The following PTPRO variants were observed in gnomAD, a reference collection of about 807,000 sequenced individuals.
PTPRO encodes the protein receptor-type tyrosine-protein phosphatase O.
A neutral mutation model predicts 145.2 loss-of-function variants in PTPRO; 62 were observed. The ratio of observed to expected loss-of-function variants is 0.43; its 90% confidence interval spans 0.35 to 0.53. The LOEUF (loss-of-function observed/expected upper bound fraction) is 0.53, where lower values mean the gene tolerates loss of function less well. PTPRO is among the 20% of genes least tolerant of loss of function. The probability of loss-of-function intolerance (pLI) is 0.01; values close to 1 mark genes in which losing one functional copy is unlikely to be tolerated. For missense variants in PTPRO, 1,345 were observed against 1,482.7 expected, an observed-to-expected ratio of 0.91 and a Z score of 1.53; for synonymous variants, 565 against 514.7, an observed-to-expected ratio of 1.10 and a Z score of -1.32.
At chr12:15,470,270 G>C (rs1055004217) in intron 1 of PTPRO, among the ~76,000 whole-genome samples, 1 of 152,168 alleles carries the variant, frequency 6.6e-6, no homozygotes, top group Non-Finnish European at 1.5e-5. Context: ...GTAGTTATAA[G>C]AATTGCCTTG....
chr12:15,550,096 C>T (rs1943414436), intron 14 of PTPRO, among the ~76,000 whole-genome samples: 1 of 152,112 alleles, frequency 6.6e-6, no homozygotes, highest in Non-Finnish European at 1.5e-5. Context: ...AGTTGAAAAT[C>T]CATGTATAAT....
At chr12:15,425,208 A>G (rs1793598053) in intron 1 of PTPRO, among the ~76,000 whole-genome samples, 1 of 152,136 alleles carries the variant, frequency 6.6e-6, no homozygotes, top group Admixed American at 6.5e-5. Context: ...ATTTTACCCC[A>G]TACACAAGGT....
chr12:15,576,601 T>C (rs1591759768), intron 19 of PTPRO, among the ~76,000 whole-genome samples: 1 of 152,172 alleles, frequency 6.6e-6, no homozygotes, highest in Non-Finnish European at 1.5e-5. Flanking sequence ...CTGGCATAAA[T>C]GGCAGAGGAG....
chr12:15,467,010 T>C (rs1166512490), intron 1 of PTPRO, among the ~76,000 whole-genome samples: 1 of 152,176 alleles, frequency 6.6e-6, no homozygotes, highest in Non-Finnish European at 1.5e-5. Flanking sequence ...CTTGGATGTA[T>C]TACTTAATCT....
chr12:15,323,135 T>C (rs56354312), intron 1 of PTPRO, among the ~76,000 whole-genome samples: 33,362 of 152,186 alleles, frequency 0.22, 4,249 homozygotes, highest in Non-Finnish European at 0.29. Flanking sequence ...CTTTTCTGGT[T>C]TCCACTGCAC....
chr12:15,349,129 A>G (rs1008846399), intron 1 of PTPRO, among the ~76,000 whole-genome samples: 6 of 152,232 alleles, frequency 3.9e-5, no homozygotes, highest in Non-Finnish European at 8.8e-5. Context: ...AGATGTATAT[A>G]AGTTTTATAC....
intron 1 of PTPRO, among the ~76,000 whole-genome samples, chr12:15,391,860 G>A (rs1939197274): frequency 6.6e-6 from 1 of 152,202 alleles, no homozygotes; most frequent in Non-Finnish European, 1.5e-5. Context: ...ATAGTGAGAT[G>A]AGCCAATTCT....
chr12:15,327,140 A>G (rs937768147), intron 1 of PTPRO, among the ~76,000 whole-genome samples: 2 of 152,220 alleles, frequency 1.3e-5, no homozygotes, highest in African/African-American at 2.4e-5. Context: ...TTAAATAATC[A>G]TAACTACAAT....
chr12:15,538,565 AG>A (rs1943115314), intron 12 of PTPRO, among the ~76,000 whole-genome samples: 1 of 152,134 alleles, frequency 6.6e-6, no homozygotes, highest in Non-Finnish European at 1.5e-5. Flanking sequence ...GCCCATCATA[AG>A]GTACTGCATA....
intron 2 of PTPRO, among the ~76,000 whole-genome samples, chr12:15,496,467 A>G (rs549166750): frequency 5.6e-4 from 85 of 152,200 alleles, no homozygotes; most frequent in Non-Finnish European, 1.0e-3. Context: ...TAAAATTCAT[A>G]CAGGTAAAAT....
At chr12:15,374,608 G>A (rs1938626722) in intron 1 of PTPRO, among the ~76,000 whole-genome samples, 1 of 152,108 alleles carries the variant, frequency 6.6e-6, no homozygotes, top group Non-Finnish European at 1.5e-5. Flanking sequence ...CTGTCTTGAA[G>A]CTCTCTGGAA....
chr12:15,414,951 G>A lies in PTPRO; in HGVS notation c.76-69023G>A, dbSNP rs181443449. On this transcript the variant is annotated intron_variant, in intron 1 of 26. Coordinates refer to ENST00000281171, the MANE Select transcript of PTPRO (RefSeq NM_030667.3). ...GGTTGTTTAAACCTATGACACCATGGAGAATGTGAGAACAATACCGTCTAT... is the reference window on the plus strand; with the variant it reads ...GGTTGTTTAAACCTATGACACCATGAAGAATGTGAGAACAATACCGTCTAT... Among the ~76,000 whole-genome samples, 430 of 152,242 alleles carry A rather than the reference G, an allele frequency of 2.8e-3. 1 individual carries two copies. The highest frequency in any genetic ancestry group is 4.6e-3 in the South Asian group (22 of 4,824).
At chr12:15,535,349 A>G (rs1943046083) in intron 12 of PTPRO, among the ~76,000 whole-genome samples, 1 of 152,156 alleles carries the variant, frequency 6.6e-6, no homozygotes, top group African/African-American at 2.4e-5. Flanking sequence ...GAGCCACCCC[A>G]GCAGTTAGAA....
rs532811854 is a variant in PTPRO at position 15,580,688 on chromosome 12, A to T, written c.2998-9A>T. ...TGGTTAGGTGATAATTTTGTCACTT[A>T]TCTTTCAGGGATACAACTCACCCCA... On this transcript the variant is annotated splice_polypyrimidine_tract_variant and intron_variant, in intron 21 of 26. Transcript: ENST00000281171. 3 of 1,614,074 alleles carry T rather than the reference A, an allele frequency of 1.9e-6. No homozygotes were observed. Among genetic ancestry groups the T allele is most frequent in the East Asian group, 2.2e-5 (1 of 44,866 alleles).
At chr12:15,555,633 G>T (rs1943601285) in intron 15 of PTPRO, among the ~76,000 whole-genome samples, 1 of 152,112 alleles carries the variant, frequency 6.6e-6, no homozygotes, top group Non-Finnish European at 1.5e-5. Flanking sequence ...TGCAAGTAGT[G>T]GTATTTCTGA....
chr12:15,354,713 A>AATAAGCAC (rs1172709884), intron 1 of PTPRO, among the ~76,000 whole-genome samples: 23 of 152,322 alleles, frequency 1.5e-4, no homozygotes, highest in African/African-American at 4.6e-4. Flanking sequence ...TATATGGTAT[A>AATAAGCAC]ATAAGCACCG....
At chr12:15,329,498 G>T (rs1459056312) in intron 1 of PTPRO, among the ~76,000 whole-genome samples, 3 of 152,078 alleles carry the variant, frequency 2.0e-5, no homozygotes, top group African/African-American at 4.8e-5. Flanking sequence ...TAGTTTCCTT[G>T]AAAGAGCATC....
At chr12:15,589,415 C>T (rs757021104) in intron 24 of PTPRO, 40 bp from the exon 25 acceptor site, 20 of 1,612,544 alleles carry the variant, frequency 1.2e-5, no homozygotes, top group Non-Finnish European at 1.7e-5. Context: ...AAAAAAGAAG[C>T]ACCATCTGAA....
chr12:15,486,580 T>C (rs933222895), intron 2 of PTPRO, among the ~76,000 whole-genome samples: 13 of 152,152 alleles, frequency 8.5e-5, no homozygotes, highest in Non-Finnish European at 1.8e-4. Flanking sequence ...GATTTTCTGG[T>C]AGACACATTA....
Sources: allele counts gnomAD v4.1 joint callset (sites outside exome capture counted in the v4.1 genomes callset), GRCh38; gene constraint gnomAD v4.1.1; transcripts MANE v1.5; gene names NCBI Gene and HGNC (gene_info 2026-07-23, HGNC 2026-07-21).